TACC3: variants seen among roughly 807,000 people sequenced by gnomAD.
TACC3 encodes the protein transforming acidic coiled-coil containing protein 3.
In TACC3, 52 loss-of-function variants were observed where a neutral mutation model predicts 86.0. The observed-to-expected ratio is 0.60, with a 90% CI of 0.48 to 0.76. TACC3 has a LOEUF of 0.76. TACC3 is among the 30% of genes least tolerant of loss of function. The probability of loss-of-function intolerance (pLI) is 0.00; values close to 1 mark genes in which losing one functional copy is unlikely to be tolerated. For synonymous variants in TACC3, 512 were observed against 430.0 expected, an observed-to-expected ratio of 1.19 and a Z score of -2.36; for missense variants, 1,120 against 1,070.4, an observed-to-expected ratio of 1.05 and a Z score of -0.65.
chr4:1,739,871 G>T (rs1236841773), intron 11 of TACC3, 88 bp from the exon 12 acceptor site: 1 of 1,308,194 alleles, frequency 7.6e-7, no homozygotes, highest in Non-Finnish European at 1.0e-6. Flanking sequence ...CATCCCCCTC[G>T]CCATCCCTGT....
chr4:1,741,138 G>C, intron 13 of TACC3, 152 bp downstream of exon 13: 2 of 712,124 alleles, frequency 2.8e-6, no homozygotes, highest in East Asian at 2.8e-5. Context: ...AACGAGACAG[G>C]GTGCAGGAGT....
chr4:1,720,995 G>GCA (rs1222052993), upstream of TACC3: 1 of 355,684 alleles, frequency 2.8e-6, no homozygotes, highest in African/African-American at 2.2e-5. The surrounding 1 kb of genome is among the most constrained non-coding windows in gnomAD (Gnocchi z 4.4). Flanking sequence ...CGCCCGCGGG[G>GCA]CACTCTAGGA....
intron 12 of TACC3, chr4:1,740,467 G>T (rs146702142): frequency 6.5e-6 from 2 of 307,344 alleles, no homozygotes; most frequent in Non-Finnish European, 1.2e-5. Context: ...GCAGGTGACC[G>T]CCTGGCCCTT....
At chr4:1,733,412 T>C (rs1718098115) in intron 6 of TACC3, among the ~76,000 whole-genome samples, 1 of 152,190 alleles carries the variant, frequency 6.6e-6, no homozygotes, top group Admixed American at 6.5e-5. Flanking sequence ...TCTCAGCATT[T>C]TGCGGGGCCG....
chr4:1,731,415 G>C, intron 6 of TACC3, 114 bp downstream of exon 6: 2 of 1,316,262 alleles, frequency 1.5e-6, no homozygotes, highest in South Asian at 2.7e-5. Flanking sequence ...CAGGCAGTTG[G>C]GTCCCTTGAC....
chr4:1,732,373 G>A (rs188504382), intron 6 of TACC3, among the ~76,000 whole-genome samples: 179 of 146,940 alleles, frequency 1.2e-3, no homozygotes, highest in African/African-American at 4.6e-3. Context: ...GTTGAATACG[G>A]TTTGTCCGTA....
rs781151193 is a variant in TACC3, at chr4:1,740,961, AAG to A, written c.2201_2202del (p.Glu734GlyfsTer85). The A allele has an allele frequency of 6.2e-7, 1 of 1,609,800 alleles. No homozygotes were observed. Among genetic ancestry groups the A allele is most frequent in the Non-Finnish European group, 8.5e-7 (1 of 1,178,948 alleles). On this transcript the variant is annotated frameshift_variant, in exon 13 of 16. Transcript: ENST00000313288. LOFTEE classifies it high-confidence loss of function. ...CTCTTCAAGCGTTTTGAGAAACAGA[AAG>A]AGGTGATCGAGGGCTACCGCAAGGT...
intron 8 of TACC3, among the ~76,000 whole-genome samples, 192 bp from the exon 9 acceptor site, chr4:1,737,049 G>A (rs959868801): frequency 6.6e-6 from 1 of 152,224 alleles, no homozygotes; most frequent in Non-Finnish European, 1.5e-5. Context: ...ATGGGCAGGT[G>A]AGGGAGGGGG....
chr4:1,737,663 G>A lies in TACC3; in HGVS notation c.1902G>A (p.Val634=). 1 of 1,550,306 alleles carries A rather than the reference G, an allele frequency of 6.5e-7. No individual in the cohort carries two copies. The highest frequency in any genetic ancestry group is 8.7e-7 in the Non-Finnish European group (1 of 1,146,474). Residue 634 remains valine, a synonymous_variant, in exon 10 of 16, where the codon GTG becomes GTA. Transcript: ENST00000313288. ...GGPPLSTGPI[V]DLLQYSQKDL... Reference sequence around the variant, plus strand: ...CACCCCTGTCCACCGGACCTATAGTGGACCTGCTCCAGTACAGCCAGAAGG... The same window carrying A: ...CACCCCTGTCCACCGGACCTATAGTAGACCTGCTCCAGTACAGCCAGAAGG...
Position 1,737,707 on chromosome 4 carries a change from G to C in TACC3, c.1941+5G>C. 6.4e-7 allele frequency: 1 copy of C among 1,550,792 alleles called. No homozygotes were observed. The highest frequency in any genetic ancestry group is 8.7e-7 in the Non-Finnish European group (1 of 1,146,768). ...CAGAAGGACCTGGATGCAGTGGTAA[G>C]GACGCAGGTAGTAGCTATTCCACAG... On this transcript the variant is annotated splice_donor_5th_base_variant and intron_variant, in intron 10 of 15. Transcript: ENST00000313288.
chr4:1,745,088 C>A lies in TACC3; in HGVS notation c.*75C>A. The A allele has an allele frequency of 1.4e-6, 2 of 1,450,262 alleles. No homozygotes were observed. The highest frequency in any genetic ancestry group is 1.9e-6 in the Non-Finnish European group (2 of 1,069,570). The allele number at this position is 1,450,262 out of a possible 1,614,324, so 89.8% of individuals were successfully genotyped here. ...GTCTGATTCTCTTAGGTGTCATGTTCTTTTTTCTGTCTTGTCTTCAACTTT... is the reference window on the plus strand; with the variant it reads ...GTCTGATTCTCTTAGGTGTCATGTTATTTTTTCTGTCTTGTCTTCAACTTT... On this transcript the variant is annotated 3_prime_UTR_variant, in exon 16 of 16. Coordinates refer to ENST00000313288, the MANE Select transcript of TACC3 (RefSeq NM_006342.3).
Position 1,735,720 on chromosome 4 carries a change from C to CT in TACC3, c.1645-9dup. On this transcript the variant is annotated splice_polypyrimidine_tract_variant and intron_variant, in intron 7 of 15. Transcript: ENST00000313288. This position sits in a 1 kb window ranked among gnomAD's most constrained non-coding sequence, Gnocchi z 4.2. Reference sequence around the variant, plus strand: ...GCAGTCAGACCTGATCACTTGCCCTCTTGTCCCCAGTTTAAGGAGTCGGCC... The same window carrying CT: ...GCAGTCAGACCTGATCACTTGCCCTCTTTGTCCCCAGTTTAAGGAGTCGGCC... 5 of 1,608,416 alleles carry CT rather than the reference C, an allele frequency of 3.1e-6. No homozygotes were observed. Among genetic ancestry groups the CT allele is most frequent in the Non-Finnish European group, 4.3e-6 (5 of 1,175,646 alleles).
upstream of TACC3, chr4:1,720,803 T>C (rs1379867366): frequency 3.1e-6 from 5 of 1,594,756 alleles, no homozygotes; most frequent in African/African-American, 4.0e-5. This position sits in a 1 kb window ranked among gnomAD's most constrained non-coding sequence, Gnocchi z 4.4. Context: ...GAACACCAGA[T>C]AGGCGAGAGT....
rs772270154 is a variant in TACC3 at position 1,740,999 on chromosome 4, C to T, written c.2223+13C>T. 1.3e-6 allele frequency: 2 copies of T among 1,595,022 alleles called. No individual in the cohort carries two copies. Among genetic ancestry groups the T allele is most frequent in the South Asian group, 2.3e-5 (2 of 87,990 alleles). The stretch of plus-strand genomic sequence containing the variant: ...GGGCTACCGCAAGGTATGTCTCCGC[C>T]ACCCTGGTGTCCTCACCTCGGAGGC... On this transcript the variant is annotated intron_variant, in intron 13 of 15. Transcript: ENST00000313288.
Position 1,728,149 on chromosome 4 carries a change from T to G in TACC3, c.747T>G (p.Thr249=). 2 of 1,611,678 alleles carry G rather than the reference T, an allele frequency of 1.2e-6. No homozygotes were observed. Among genetic ancestry groups the G allele is most frequent in the Non-Finnish European group, 8.5e-7 (1 of 1,179,468 alleles). ...TCTGTGCTCCCGCAGCAGTGGCCAC[T>G]TCGCCTCCTGGTGCAATCCCTAAGG... ...GGVCAPAAVA[T]SPPGAIPKEA... The change falls in exon 4 of 16, where the codon ACT becomes ACG. Residue 249 remains threonine (T), a synonymous_variant. Transcript: ENST00000313288.
intron 6 of TACC3, among the ~76,000 whole-genome samples, chr4:1,733,177 A>G (rs1718087810): frequency 6.6e-6 from 1 of 152,184 alleles, no homozygotes; most frequent in African/African-American, 2.4e-5. Flanking sequence ...CAGGTGGCTC[A>G]TGAACGAGCG....
intron 10 of TACC3, chr4:1,737,914 C>T (rs1232481210): frequency 1.5e-6 from 1 of 670,606 alleles, no homozygotes; most frequent in Non-Finnish European, 2.7e-6. Context: ...TCCCCGCAGT[C>T]AGCTGCCCAC....
At chr4:1,720,649 G>A (rs760721914), upstream of TACC3, 59 of 1,543,858 alleles carry the variant, frequency 3.8e-5, 1 homozygote, top group Middle Eastern at 3.5e-4. The surrounding 1 kb of genome is among the most constrained non-coding windows in gnomAD (Gnocchi z 4.4). Context: ...GCAGCAGCGA[G>A]TGGCACAACA....
Position 1,735,610 on chromosome 4 carries a change from CG to C in TACC3, c.1645-116del. The stretch of plus-strand genomic sequence containing the variant: ...TGTCTCGGGCAGGGTTGTGGGTGAC[CG>C]GGGGTGGGAGTGTGCGGGTGACCGG... On this transcript the variant is annotated intron_variant, in intron 7 of 15. Coordinates refer to ENST00000313288, the MANE Select transcript of TACC3 (RefSeq NM_006342.3). This position sits in a 1 kb window ranked among gnomAD's most constrained non-coding sequence, Gnocchi z 4.2. The C allele has an allele frequency of 1.2e-6, 1 of 812,252 alleles. No individual in the cohort carries two copies. Among genetic ancestry groups the C allele is most frequent in the African/African-American group, 2.0e-5 (1 of 50,286 alleles). The allele number at this position is 812,252 out of a possible 1,614,324, so 50.3% of individuals were successfully genotyped here.
Sources: allele counts gnomAD v4.1 joint callset (sites outside exome capture counted in the v4.1 genomes callset), GRCh38; gene constraint gnomAD v4.1.1; non-coding constraint Gnocchi (gnomAD v3.1); transcripts MANE v1.5; gene names NCBI Gene and HGNC (gene_info 2026-07-23, HGNC 2026-07-21).